Variants in FAM20C observed in about 807,000 individuals in gnomAD.
FAM20C encodes the protein FAM20C golgi associated secretory pathway kinase, also known as extracellular serine/threonine protein kinase FAM20C.
Under a neutral mutation model 51.5 loss-of-function variants are expected in FAM20C, and 40 were observed. The observed-to-expected ratio is 0.78, with a 90% confidence interval of 0.60 to 1.01. The LOEUF (loss-of-function observed/expected upper bound fraction) is 1.01. FAM20C is among the 50% of genes least tolerant of loss of function. FAM20C has a pLI of 0.00. For synonymous variants in FAM20C, 406 were observed against 380.6 expected, an observed-to-expected ratio of 1.07 and a Z score of -0.78; for missense variants, 861 against 844.7, an observed-to-expected ratio of 1.02 and a Z score of -0.24.
At chr7:217,848 G>A (rs903709964) in intron 3 of FAM20C, among the ~76,000 whole-genome samples, 6 of 152,270 alleles carry the variant, frequency 3.9e-5, no homozygotes, top group South Asian at 2.1e-4. Context: ...TGGCCGTAAC[G>A]GCCACCCTCA....
intron 2 of FAM20C, among the ~76,000 whole-genome samples, chr7:207,028 C>T (rs1428944630): frequency 2.0e-5 from 1 of 49,004 alleles, no homozygotes; most frequent in African/African-American, 9.6e-5. Flanking sequence ...GCACACGTAT[C>T]CACTGTGACG....
chr7:202,079 G>A (rs1443122227), intron 2 of FAM20C, among the ~76,000 whole-genome samples: 1 of 152,254 alleles, frequency 6.6e-6, no homozygotes, highest in East Asian at 1.9e-4. Flanking sequence ...TTGGTCTAAA[G>A]TTGGTGGGTT....
intron 5 of FAM20C, among the ~76,000 whole-genome samples, chr7:249,088 C>T (rs563917250): frequency 6.6e-5 from 10 of 152,370 alleles, no homozygotes; most frequent in South Asian, 4.1e-4. Context: ...ACTGGTGAAA[C>T]GATTCACTTT....
chr7:243,017 A>G (rs1583326014), intron 3 of FAM20C, among the ~76,000 whole-genome samples: 1 of 128,518 alleles, frequency 7.8e-6, no homozygotes, highest in South Asian at 2.6e-4. Context: ...CCACCAGGAG[A>G]CCTGTGCTAA....
At chr7:217,048 C>T (rs1337953887) in intron 3 of FAM20C, among the ~76,000 whole-genome samples, 1 of 152,112 alleles carries the variant, frequency 6.6e-6, no homozygotes, top group Non-Finnish European at 1.5e-5. Flanking sequence ...TCCTATGACC[C>T]AGGCACAGCT....
At chr7:207,722 C>T (rs377151982) in intron 2 of FAM20C, among the ~76,000 whole-genome samples, 4 of 152,240 alleles carry the variant, frequency 2.6e-5, no homozygotes, top group East Asian at 1.9e-4. Flanking sequence ...GACAATCCCC[C>T]GCGTGGCCCG....
chr7:193,190 C>T lies in FAM20C; in HGVS notation c.-10C>T. ...GAACGCGCTCCAGGCCCGGGCCGGC[C>T]CGCGCGGCCATGAAGATGATGCTGG... On this transcript the variant is annotated 5_prime_UTR_variant, in exon 1 of 10. Coordinates refer to ENST00000313766, the MANE Select transcript of FAM20C (RefSeq NM_020223.4). 1 of 1,453,006 alleles carries T rather than the reference C, an allele frequency of 6.9e-7. No homozygotes were observed. The allele number at this position is 1,453,006 out of a possible 1,614,324, so 90.0% of individuals were successfully genotyped here.
intron 3 of FAM20C, among the ~76,000 whole-genome samples, chr7:232,156 T>C (rs1787715754): frequency 6.6e-6 from 1 of 152,234 alleles, no homozygotes; most frequent in South Asian, 2.1e-4. Context: ...GGAAGGACAG[T>C]GGCTCTTTGC....
intron 5 of FAM20C, among the ~76,000 whole-genome samples, chr7:253,299 C>T (rs1025586165): frequency 4.6e-5 from 7 of 152,200 alleles, no homozygotes; most frequent in African/African-American, 1.4e-4. Context: ...GGGTCAGCCC[C>T]GACACAGTCA....
intron 9 of FAM20C, 131 bp downstream of exon 9, chr7:258,836 A>T: frequency 1.1e-6 from 1 of 945,646 alleles, no homozygotes; most frequent in Non-Finnish European, 1.5e-6. Context: ...ATTCAACCAC[A>T]GCCCTGAATT....
intron 9 of FAM20C, 28 bp downstream of exon 9, chr7:258,733 G>T (rs1187865699): frequency 1.3e-6 from 2 of 1,528,876 alleles, no homozygotes; most frequent in Non-Finnish European, 1.8e-6. Context: ...GCCGGCTCCA[G>T]CTCCACCCTC....
chr7:253,241 C>A (rs1471419847), intron 5 of FAM20C, among the ~76,000 whole-genome samples: 1 of 152,202 alleles, frequency 6.6e-6, no homozygotes, highest in Non-Finnish European at 1.5e-5. Context: ...CACAGCTGTC[C>A]AAGGTGGCAG....
intron 2 of FAM20C, among the ~76,000 whole-genome samples, chr7:201,375 GTTAAT>G (rs1330307247): frequency 6.6e-6 from 1 of 152,200 alleles, no homozygotes; most frequent in African/African-American, 2.4e-5. Flanking sequence ...GGTGGAACTG[GTTAAT>G]TTAAAGTCAG....
intron 4 of FAM20C, among the ~76,000 whole-genome samples, chr7:247,631 AT>A (rs1788220537): frequency 7.0e-6 from 1 of 142,484 alleles, no homozygotes; most frequent in Non-Finnish European, 1.5e-5. Context: ...ATTTTCCACC[AT>A]TTCAGCTATC....
rs992854876 is a variant in FAM20C at position 258,784 on chromosome 7, C to G, written c.1505+79C>G. The stretch of plus-strand genomic sequence containing the variant: ...GAGACAGAGGAGGCCACAGCCTTCC[C>G]CACCCCACCCCGGCCATCACATGGG... On this transcript the variant is annotated intron_variant, in intron 9 of 9. Transcript: ENST00000313766. 3.3e-5 allele frequency: 44 copies of G among 1,327,712 alleles called. No individual in the cohort carries two copies. In the African/African-American group the frequency reaches 4.7e-4, roughly 14 times the overall value. The allele number at this position is 1,327,712 out of a possible 1,614,324, so 82.2% of individuals were successfully genotyped here.
chr7:254,493 T>C (rs1788516181), intron 5 of FAM20C, among the ~76,000 whole-genome samples: 1 of 152,106 alleles, frequency 6.6e-6, no homozygotes, highest in Non-Finnish European at 1.5e-5. Flanking sequence ...AGCAAATAAA[T>C]ACAGGAATAG....
chr7:231,402 C>T (rs944357414), intron 3 of FAM20C, among the ~76,000 whole-genome samples: 7 of 151,916 alleles, frequency 4.6e-5, no homozygotes, highest in Non-Finnish European at 8.8e-5. Flanking sequence ...AGGGTCCCGG[C>T]GTCGAGGGCC....
intron 8 of FAM20C, chr7:257,417 G>A (rs1051277028): frequency 7.2e-5 from 19 of 264,596 alleles, no homozygotes; most frequent in African/African-American, 2.4e-4. Context: ...GCCTGCACGC[G>A]GTACCTGGAG....
At position 246,469 on chromosome 7, in the gene FAM20C, G is replaced by A. The variant is rs1788163547; in HGVS notation, c.918G>A (p.Glu306=). 1.3e-6 allele frequency: 2 copies of A among 1,536,818 alleles called. No homozygotes were observed. Among genetic ancestry groups the A allele is most frequent in the East Asian group, 2.4e-5 (1 of 40,922 alleles). Residue 306 remains glutamate, a synonymous_variant, in exon 4 of 10, where the codon GAG becomes GAA. Coordinates refer to ENST00000313766, the MANE Select transcript of FAM20C (RefSeq NM_020223.4). ...ACTTTTTTTATTTCTCTGACTACGA[G>A]AGGCACAATGCGGAGATTGCTGCCT... ...PPDFFYFSDY[E]RHNAEIAAFH... is the part of the protein sequence containing the mutation.
Sources: allele counts gnomAD v4.1 joint callset (sites outside exome capture counted in the v4.1 genomes callset), GRCh38; gene constraint gnomAD v4.1.1; transcripts MANE v1.5; gene names NCBI Gene and HGNC (gene_info 2026-07-23, HGNC 2026-07-21).